The following LARGE1 variants were observed in gnomAD, a reference collection of about 807,000 sequenced individuals.
LARGE1 encodes LARGE xylosyl- and glucuronyltransferase 1.
LARGE1 carries 43 observed loss-of-function variants against 87.6 expected under a neutral mutation model. The ratio of observed to expected loss-of-function variants is 0.49; its 90% CI spans 0.38 to 0.63. The LOEUF (loss-of-function observed/expected upper bound fraction) is 0.63. Ranked by LOEUF, LARGE1 falls within the 30% of genes least tolerant of loss-of-function variation. The probability of loss-of-function intolerance (pLI) is 0.00; values close to 1 mark genes in which losing one functional copy is unlikely to be tolerated. For synonymous variants in LARGE1, 434 were observed against 394.6 expected (o/e 1.10, Z -1.18); for missense variants, 802 against 1,000.2 (o/e 0.80, Z 2.67).
At chr22:33,260,167 C>T (rs1927544585) in intron 11 of LARGE1, among the ~76,000 whole-genome samples, 1 of 152,224 alleles carries the variant, frequency 6.6e-6, no homozygotes, top group African/African-American at 2.4e-5. Flanking sequence ...CCCGCAAAGC[C>T]TCTTGCCCAC....
At chr22:33,690,101 G>T (rs1053894799) in intron 2 of LARGE1, among the ~76,000 whole-genome samples, 9 of 152,184 alleles carry the variant, frequency 5.9e-5, no homozygotes, top group Non-Finnish European at 8.8e-5. Flanking sequence ...GGTATGAAGG[G>T]TAAGAGAGGG....
chr22:33,489,149 C>T (rs1214851346), intron 6 of LARGE1, among the ~76,000 whole-genome samples: 2 of 152,182 alleles, frequency 1.3e-5, no homozygotes, highest in East Asian at 1.9e-4. Context: ...GATGCCTATC[C>T]TCGTGGAGCT....
chr22:33,202,105 TAA>T (rs137449), intron 11 of LARGE1, among the ~76,000 whole-genome samples: 2 of 143,832 alleles, frequency 1.4e-5, no homozygotes, highest in Non-Finnish European at 1.5e-5. Context: ...CACGGCATGA[TAA>T]AAAAAAAAAA....
intron 7 of LARGE1, among the ~76,000 whole-genome samples, chr22:33,400,146 G>A (rs2065886412): frequency 1.3e-5 from 2 of 152,210 alleles, no homozygotes; most frequent in Non-Finnish European, 2.9e-5. Flanking sequence ...GAACGCAGGA[G>A]ATAACATTTA....
rs527889924 is a variant in LARGE1, at chr22:33,274,147, C to T, written c.*280G>A. ...TGTGGCTTTGCAGTAAGATGATAAC[C>T]CTTTTACTCCCTGTCACCCCTTGAT... On this transcript the variant is annotated 3_prime_UTR_variant, in exon 15 of 15. Coordinates refer to ENST00000397394, the MANE Select transcript of LARGE1 (RefSeq NM_133642.5). 1.8e-6 allele frequency: 1 copy of T among 561,196 alleles called. No homozygotes were observed. The highest frequency in any genetic ancestry group is 3.2e-6 in the Non-Finnish European group (1 of 313,494). 34.8% of individuals were successfully genotyped at this position (561,196 alleles called of 1,614,324 possible).
chr22:33,373,987 A>AAAAAG (rs2064911373), intron 9 of LARGE1, among the ~76,000 whole-genome samples: 1 of 151,732 alleles, frequency 6.6e-6, no homozygotes, highest in African/African-American at 2.4e-5. Flanking sequence ...AAAAAAAAAA[A>AAAAAG]AAAAAAAAGT....
intron 5 of LARGE1, among the ~76,000 whole-genome samples, chr22:33,575,422 A>T (rs1434537515): frequency 6.6e-6 from 1 of 152,206 alleles, no homozygotes; most frequent in Non-Finnish European, 1.5e-5. Flanking sequence ...TGAGGCCAGG[A>T]AGGCTTCTTG....
intron 2 of LARGE1, chr22:33,737,784 G>C (rs2083710355): frequency 6.6e-6 from 1 of 152,154 alleles, no homozygotes; most frequent in Admixed American, 6.5e-5. Flanking sequence ...TGAAGAAAAA[G>C]TGAGTAGTGA....
chr22:33,732,304 T>C (rs2083498456), intron 2 of LARGE1: 1 of 152,130 alleles, frequency 6.6e-6, no homozygotes, highest in Non-Finnish European at 1.5e-5. Context: ...CTGGCCTCCC[T>C]CCTTTCCTTC....
chr22:33,141,247 T>A, the LARGE1 span, among the ~76,000 whole-genome samples: 1 of 151,804 alleles, frequency 6.6e-6, no homozygotes, highest in Non-Finnish European at 1.5e-5. Flanking sequence ...ACATAATCTA[T>A]CTTCCTTATA....
intron 6 of LARGE1, among the ~76,000 whole-genome samples, chr22:33,461,601 A>T (rs1283193765): frequency 2.6e-5 from 4 of 151,668 alleles, no homozygotes; most frequent in African/African-American, 9.7e-5. Flanking sequence ...ATGTATACAC[A>T]TGTAACAAAC....
intron 9 of LARGE1, among the ~76,000 whole-genome samples, chr22:33,349,412 G>A (rs1397982419): frequency 7.2e-5 from 11 of 152,196 alleles, no homozygotes; most frequent in Admixed American, 3.9e-4. Flanking sequence ...TGTGAATCAA[G>A]TCTGTGGAAT....
At chr22:33,382,632 G>C (rs1407147761) in intron 8 of LARGE1, among the ~76,000 whole-genome samples, 1 of 152,040 alleles carries the variant, frequency 6.6e-6, no homozygotes, top group Non-Finnish European at 1.5e-5. Flanking sequence ...TACCTTTTTT[G>C]GGCTCTTCTC....
intron 9 of LARGE1, among the ~76,000 whole-genome samples, chr22:33,370,626 A>G (rs1211499086): frequency 6.6e-6 from 1 of 152,026 alleles, no homozygotes; most frequent in African/African-American, 2.4e-5. Flanking sequence ...AAGCAGTAAG[A>G]TCTTTGTGTA....
intron 6 of LARGE1, among the ~76,000 whole-genome samples, chr22:33,514,510 C>A (rs1046866472): frequency 6.6e-6 from 1 of 152,070 alleles, no homozygotes; most frequent in African/African-American, 2.4e-5. Context: ...TTTAAAAATT[C>A]ATACAGTATA....
intron 6 of LARGE1, among the ~76,000 whole-genome samples, chr22:33,453,583 T>C (rs1268285375): frequency 6.6e-6 from 1 of 152,202 alleles, no homozygotes; most frequent in Non-Finnish European, 1.5e-5. Context: ...TTCACTCTTA[T>C]CACTGAAAAG....
At chr22:33,591,876 A>G (rs1430354424) in intron 5 of LARGE1, among the ~76,000 whole-genome samples, 3 of 148,768 alleles carry the variant, frequency 2.0e-5, no homozygotes, top group Non-Finnish European at 4.5e-5. Flanking sequence ...TTTTTTTTAA[A>G]TTAGCCAGGC....
At chr22:33,535,451 G>C (rs2077014420) in intron 6 of LARGE1, among the ~76,000 whole-genome samples, 1 of 152,040 alleles carries the variant, frequency 6.6e-6, no homozygotes, top group East Asian at 1.9e-4. Context: ...GCTGAGACAG[G>C]AGAATCGCTT....
Position 33,283,229 on chromosome 22 carries a change from A to T in LARGE1, c.1850T>A (p.Leu617Gln). The part of the protein sequence containing the change: ...PKSKAELLSM[L>Q]DMGTLFTFRY... Reference sequence around the variant, plus strand: ...GAATGTGAAGAGGGTCCCCATGTCCAGCATTGACAGCAACTCCGCTTTTGA... The same window carrying T: ...GAATGTGAAGAGGGTCCCCATGTCCTGCATTGACAGCAACTCCGCTTTTGA... Residue 617 changes from leucine (L) to glutamine (Q), a missense_variant, in exon 13 of 15, where the codon CTG (leucine) becomes CAG (glutamine). This residue lies in a region of LARGE1 where 625 missense variants were observed against 841.9 expected (regional missense o/e 0.74). Coordinates refer to ENST00000397394, the MANE Select transcript of LARGE1 (RefSeq NM_133642.5). The T allele has an allele frequency of 6.2e-7, 1 of 1,614,218 alleles. No individual in the cohort carries two copies. Among genetic ancestry groups the T allele is most frequent in the Non-Finnish European group, 8.5e-7 (1 of 1,180,028 alleles).
Sources: gnomAD v4.1 joint callset for allele counts (sites outside exome capture counted in the v4.1 genomes callset) on GRCh38, gnomAD v4.1.1 for gene constraint, gnomAD v4.1.1 regional missense constraint, MANE v1.5 for transcripts, NCBI Gene and HGNC (gene_info 2026-07-23, HGNC 2026-07-21) for gene names.